The following CYFIP1 variants were observed in gnomAD, a reference collection of about 807,000 sequenced individuals.
CYFIP1 encodes cytoplasmic FMR1 interacting protein 1, also known as cytoplasmic FMR1-interacting protein 1.
Under a neutral mutation model 163.5 loss-of-function variants are expected in CYFIP1, and 58 were observed. That is an observed-to-expected ratio of 0.35 (90% CI 0.29 to 0.44). CYFIP1 has a LOEUF of 0.44. Among genes scored for constraint, CYFIP1 ranks in the 20% least tolerant of loss-of-function variants. The probability of loss-of-function intolerance (pLI) is 1.00; values close to 1 mark genes in which losing one functional copy is unlikely to be tolerated. For missense variants in CYFIP1, 1,338 were observed against 1,653.8 expected (o/e 0.81, Z 3.31); for synonymous variants, 663 against 660.7 (o/e 1.00, Z -0.05).
At chr15:22,920,883 C>T (rs1390238026) in intron 13 of CYFIP1, among the ~76,000 whole-genome samples, 1 of 151,988 alleles carries the variant, frequency 6.6e-6, no homozygotes, top group East Asian at 1.9e-4. Flanking sequence ...CGAGGAAAAA[C>T]CCATTTAAGT....
intron 13 of CYFIP1, among the ~76,000 whole-genome samples, chr15:22,921,154 G>A (rs2061162998): frequency 6.6e-6 from 1 of 152,078 alleles, no homozygotes; most frequent in Non-Finnish European, 1.5e-5. Context: ...CGGATCACAA[G>A]GTCAGGAGTT....
chr15:22,923,903 A>T, intron 13 of CYFIP1, among the ~76,000 whole-genome samples: 1 of 136,392 alleles, frequency 7.3e-6, no homozygotes, highest in Non-Finnish European at 1.5e-5. Flanking sequence ...TAATCCTGCC[A>T]CTGCACTCCA....
intron 1 of CYFIP1, among the ~76,000 whole-genome samples, chr15:22,969,268 G>A (rs2063008808): frequency 1.3e-5 from 2 of 152,146 alleles, no homozygotes; most frequent in African/African-American, 4.8e-5. Flanking sequence ...CAGTTCAACA[G>A]ACATCACCTC....
At chr15:22,894,917 G>A (rs1209430448) in intron 22 of CYFIP1, among the ~76,000 whole-genome samples, 1 of 143,734 alleles carries the variant, frequency 7.0e-6, no homozygotes, top group Non-Finnish European at 1.5e-5. Flanking sequence ...GTGCAGTGGT[G>A]TGATCTTGAC....
At chr15:22,933,928 GTA>G in intron 9 of CYFIP1, 35 bp from the exon 10 acceptor site, 2 of 1,471,358 alleles carry the variant, frequency 1.4e-6, no homozygotes, top group Non-Finnish European at 9.4e-7. Context: ...GAGTCATTAT[GTA>G]TATTTAGTCA....
At chr15:22,975,531 C>T (rs190538322) in intron 1 of CYFIP1, among the ~76,000 whole-genome samples, 10 of 150,316 alleles carry the variant, frequency 6.7e-5, no homozygotes, top group African/African-American at 1.7e-4. Context: ...GAGGCAGAGG[C>T]GGGCAGATCA....
intron 23 of CYFIP1, among the ~76,000 whole-genome samples, chr15:22,883,352 G>A (rs754937859): frequency 3.9e-5 from 6 of 152,178 alleles, no homozygotes; most frequent in African/African-American, 7.2e-5. Context: ...GCCCAAGGTC[G>A]GACCCTGAAG....
chr15:22,931,586 C>T (rs913430801), intron 11 of CYFIP1, among the ~76,000 whole-genome samples: 17 of 146,066 alleles, frequency 1.2e-4, no homozygotes, highest in African/African-American at 3.3e-4. Flanking sequence ...AACCATCTTT[C>T]GAGTTGCTTG....
intron 26 of CYFIP1, among the ~76,000 whole-genome samples, chr15:22,879,668 A>G (rs1403369875): frequency 2.0e-5 from 3 of 152,186 alleles, no homozygotes; most frequent in Non-Finnish European, 4.4e-5. Context: ...ATCACATAAT[A>G]TAACAGTTTT....
At chr15:22,950,433 G>GAAC (rs1369990876) in intron 1 of CYFIP1, among the ~76,000 whole-genome samples, 1 of 152,128 alleles carries the variant, frequency 6.6e-6, no homozygotes, top group African/African-American at 2.4e-5. Context: ...CAAGGAGCCA[G>GAAC]AACAACCCTC....
intron 9 of CYFIP1, among the ~76,000 whole-genome samples, chr15:22,934,330 G>A (rs1455723793): frequency 6.7e-6 from 1 of 149,638 alleles, no homozygotes; most frequent in African/African-American, 2.5e-5. Flanking sequence ...GGGACTACAG[G>A]CGCCCGCCAC....
chr15:22,939,580 A>C, intron 6 of CYFIP1, 73 bp from the exon 7 acceptor site: 1 of 986,368 alleles, frequency 1.0e-6, no homozygotes, highest in Non-Finnish European at 1.5e-6. Flanking sequence ...AAAAAAAAAA[A>C]AGCCTGGTTC....
At chr15:22,927,552 G>T (rs1471765028) in intron 12 of CYFIP1, among the ~76,000 whole-genome samples, 2 of 151,606 alleles carry the variant, frequency 1.3e-5, no homozygotes, top group Non-Finnish European at 2.9e-5. Context: ...AGCAACTTGG[G>T]AGGCTGAGGC....
intron 27 of CYFIP1, 138 bp from the exon 28 acceptor site, chr15:22,874,782 A>G (rs2059535544): frequency 1.6e-6 from 1 of 619,458 alleles, no homozygotes; most frequent in African/African-American, 1.9e-5. Flanking sequence ...ATTATTTTAC[A>G]GAACTGGCTC....
At chr15:22,971,732 T>C (rs1226825177) in intron 1 of CYFIP1, among the ~76,000 whole-genome samples, 4 of 151,146 alleles carry the variant, frequency 2.6e-5, no homozygotes, top group Non-Finnish European at 5.9e-5. Flanking sequence ...TAGCTGCACG[T>C]GGTGGCTCAC....
chr15:22,939,102 G>T, intron 8 of CYFIP1, 90 bp downstream of exon 8: 1 of 1,526,412 alleles, frequency 6.6e-7, no homozygotes. Flanking sequence ...AGACACAGCT[G>T]TCAAAAGGAT....
upstream of CYFIP1, among the ~76,000 whole-genome samples, chr15:22,980,726 T>A (rs557012770): frequency 1.8e-4 from 28 of 152,150 alleles, no homozygotes; most frequent in East Asian, 5.5e-3. Flanking sequence ...TGGCCTGAGC[T>A]GCGGAAGGAG....
chr15:22,918,750 C>T lies in CYFIP1; in HGVS notation c.1468G>A (p.Val490Met). 1 of 1,613,464 alleles carries T rather than the reference C, an allele frequency of 6.2e-7. No individual in the cohort carries two copies. ...TGCCGCAGCGGCTCCCTAAGGGTCA[C>T]CTGGGAGAAGTCCTGCAGTGCGGCA... ...VYAALQDFSQVTLREPLRQAI... is the reference protein window; with the variant it reads ...VYAALQDFSQMTLREPLRQAI... Residue 490 changes from valine (V) to methionine (M), a missense_variant, in exon 14 of 31, where the codon GTG becomes ATG. By Grantham distance (21) the Val-to-Met change is conservative (BLOSUM62 1). Coordinates refer to ENST00000617928, the MANE Select transcript of CYFIP1 (RefSeq NM_014608.6).
rs1191563297 is a variant in CYFIP1, at chr15:22,873,473, C to T, written c.3449+18G>A. 1.2e-6 allele frequency: 2 copies of T among 1,602,116 alleles called. No homozygotes were observed. Among genetic ancestry groups the T allele is most frequent in the Non-Finnish European group, 1.7e-6 (2 of 1,170,200 alleles). Reference sequence around the variant, plus strand: ...TCCCCTCCTCTGGGGCTTTGTCCTGCTCTCAGCACACACTTACTCGACTGT... The same window carrying T: ...TCCCCTCCTCTGGGGCTTTGTCCTGTTCTCAGCACACACTTACTCGACTGT... On this transcript the variant is annotated intron_variant, in intron 29 of 30. Coordinates refer to ENST00000617928, the MANE Select transcript of CYFIP1 (RefSeq NM_014608.6).
Sources: gnomAD v4.1 joint callset for allele counts (sites outside exome capture counted in the v4.1 genomes callset) on GRCh38, gnomAD v4.1.1 for gene constraint, MANE v1.5 for transcripts, NCBI Gene and HGNC (gene_info 2026-07-23, HGNC 2026-07-21) for gene names.